Variants in MAP3K9 observed in about 807,000 individuals in gnomAD.
The protein encoded by MAP3K9 is mitogen-activated protein kinase kinase kinase 9.
A neutral mutation model predicts 95.8 loss-of-function variants in MAP3K9; 46 were observed. That is an observed-to-expected ratio of 0.48 (90% confidence interval 0.38 to 0.61). The LOEUF (loss-of-function observed/expected upper bound fraction) is 0.61. MAP3K9 is among the 20% of genes least tolerant of loss of function. The probability of loss-of-function intolerance (pLI) is 0.00; values close to 1 mark genes in which losing one functional copy is unlikely to be tolerated. For missense variants in MAP3K9, 1,296 were observed against 1,474.3 expected (o/e 0.88, Z 1.98); for synonymous variants, 533 against 593.8 (o/e 0.90, Z 1.49).
intron 2 of MAP3K9, among the ~76,000 whole-genome samples, chr14:70,782,681 C>T (rs1019453399): frequency 7.2e-5 from 11 of 152,230 alleles, no homozygotes; most frequent in African/African-American, 2.2e-4. Flanking sequence ...ACTAGCTTTG[C>T]TCTGACTCAC....
At chr14:70,761,821 T>C (rs1408624401) in intron 2 of MAP3K9, among the ~76,000 whole-genome samples, 2 of 152,230 alleles carry the variant, frequency 1.3e-5, no homozygotes, top group African/African-American at 2.4e-5. Context: ...TGATATTGTG[T>C]ACATTCACAA....
At chr14:70,785,463 A>G (rs2054734896) in intron 2 of MAP3K9, among the ~76,000 whole-genome samples, 1 of 152,218 alleles carries the variant, frequency 6.6e-6, no homozygotes, top group African/African-American at 2.4e-5. Context: ...TACTATAAGA[A>G]AAGTTTTATT....
chr14:70,731,473 C>T (rs925967238), intron 11 of MAP3K9, among the ~76,000 whole-genome samples: 1 of 152,204 alleles, frequency 6.6e-6, no homozygotes, highest in Non-Finnish European at 1.5e-5. Flanking sequence ...TATACAATAA[C>T]ATTTTATTGA....
chr14:70,802,563 T>C (rs1381130046), intron 1 of MAP3K9, among the ~76,000 whole-genome samples: 1 of 152,218 alleles, frequency 6.6e-6, no homozygotes, highest in Non-Finnish European at 1.5e-5. Flanking sequence ...TATCTTCTTT[T>C]TTCTTTTGTC....
At position 70,774,319 on chromosome 14, in the gene MAP3K9, T is replaced by C. The variant is rs116769268; in HGVS notation, c.821-13137A>G. ...AGACCTTTGTTATTTATTACAAGGC[T>C]TGTAATATATTTCGGCTTTTTAAAC... On this transcript the variant is annotated intron_variant, in intron 2 of 11. Coordinates refer to ENST00000554752, the MANE Select transcript of MAP3K9 (RefSeq NM_001284230.2). 5.5e-3 allele frequency among the ~76,000 whole-genome samples: 839 copies of C among 152,332 alleles called. 8 individuals are homozygous for C. The highest frequency in any genetic ancestry group is 0.018 in the African/African-American group (767 of 41,582).
At position 70,809,194 on chromosome 14, in the gene MAP3K9, C is replaced by CGGGGCCGCCGCCGCCCGCA. The variant is rs2055038216; in HGVS notation, c.-42_-24dup. On this transcript the variant is annotated 5_prime_UTR_variant, in exon 1 of 12. Transcript: ENST00000554752. The stretch of plus-strand genomic sequence containing the variant: ...CATGGAGCGGCCGATCCATAGGGTG[C>CGGGGCCGCCGCCGCCCGCA]GGGGCCGCCGCCGCCCGCAGGAGCC... The CGGGGCCGCCGCCGCCCGCA allele has an allele frequency of 1.5e-6, 2 of 1,295,632 alleles. No individual in the cohort carries two copies. The highest frequency in any genetic ancestry group is 5.2e-5 in the South Asian group (2 of 38,498). The allele number at this position is 1,295,632 out of a possible 1,614,324, so 80.3% of individuals were successfully genotyped here. A position where few individuals can be genotyped will look rare whatever the true frequency, so the allele number is the denominator to read the frequency against.
chr14:70,798,471 GTTTTTT>G (rs1170327816), intron 2 of MAP3K9, among the ~76,000 whole-genome samples: 16 of 65,436 alleles, frequency 2.4e-4, no homozygotes, highest in African/African-American at 5.6e-4. Flanking sequence ...GTCACCAAAA[GTTTTTT>G]TTTTTTTTTT....
In MAP3K9 at chr14:70,809,489, A is replaced by C. The variant is rs740036; in HGVS notation, c.-318T>G. The C allele has an allele frequency of 0.59, 103,503 of 176,398 alleles. 30,612 individuals are homozygous for C. The highest frequency in any genetic ancestry group is 0.66 in the South Asian group (3,840 of 5,790). 10.9% of individuals were successfully genotyped at this position (176,398 alleles called of 1,614,324 possible). On this transcript the variant is annotated 5_prime_UTR_variant, in exon 1 of 12. Coordinates refer to ENST00000554752, the MANE Select transcript of MAP3K9 (RefSeq NM_001284230.2). ...CGCGCAGCCGGTGCCCGCCGCTGCC[A>C]GCCGGCCGCCGCTCTCCTCTCCGCG...
Position 70,738,273 on chromosome 14 carries a change from G to C in MAP3K9, c.1816C>G (p.Gln606Glu), listed in dbSNP as rs374508438. 5.6e-6 allele frequency: 9 copies of C among 1,612,320 alleles called. No homozygotes were observed. Among genetic ancestry groups the C allele is most frequent in the Non-Finnish European group, 7.6e-6 (9 of 1,179,268 alleles). Residue 606 changes from glutamine to glutamate, a missense_variant, in exon 8 of 12, where the codon CAG becomes GAG. Physicochemically the swap from Gln to Glu is conservative, Grantham distance 29. This residue lies in a region of MAP3K9 where 377 missense variants were observed against 417.1 expected (regional missense o/e 0.90). Transcript: ENST00000554752. The stretch of plus-strand genomic sequence containing the variant: ...TCATCTCCCGAGGCAAGCTCCTTCT[G>C]ACCAAGCGTCCCTGGCCCCCACGTC... ...GRTWGPGTLGQKELASGDEGS... is the reference protein window; with the variant it reads ...GRTWGPGTLGEKELASGDEGS...
intron 2 of MAP3K9, among the ~76,000 whole-genome samples, chr14:70,793,947 C>T (rs778921086): frequency 2.0e-5 from 3 of 152,182 alleles, no homozygotes; most frequent in Non-Finnish European, 4.4e-5. Flanking sequence ...ACCAGGGGTT[C>T]TAGTCTCTTG....
chr14:70,768,790 C>G (rs1440291840), intron 2 of MAP3K9, among the ~76,000 whole-genome samples: 1 of 152,064 alleles, frequency 6.6e-6, no homozygotes, highest in Non-Finnish European at 1.5e-5. Flanking sequence ...GGTTGATGAT[C>G]TATGTCATTT....
intron 2 of MAP3K9, among the ~76,000 whole-genome samples, chr14:70,778,853 G>A (rs1170747889): frequency 6.6e-6 from 1 of 152,208 alleles, no homozygotes; most frequent in East Asian, 1.9e-4. Context: ...CTACTCTCAT[G>A]CTCTTGATGA....
chr14:70,807,307 A>G (rs1053008341), intron 1 of MAP3K9, among the ~76,000 whole-genome samples: 1 of 152,234 alleles, frequency 6.6e-6, no homozygotes, highest in East Asian at 1.9e-4. Flanking sequence ...TTTGGCCAAT[A>G]TGGTGAACCT....
At chr14:70,776,560 A>G (rs2054601723) in intron 2 of MAP3K9, among the ~76,000 whole-genome samples, 1 of 152,192 alleles carries the variant, frequency 6.6e-6, no homozygotes, top group South Asian at 2.1e-4. Flanking sequence ...AAAAACTTAA[A>G]TGTTCACAAG....
chr14:70,768,673 A>G (rs987802649), intron 2 of MAP3K9, among the ~76,000 whole-genome samples: 1 of 152,178 alleles, frequency 6.6e-6, no homozygotes, highest in Non-Finnish European at 1.5e-5. Flanking sequence ...CTTGCCACTA[A>G]GGGATTTGTG....
At chr14:70,775,828 T>C (rs2054590347) in intron 2 of MAP3K9, among the ~76,000 whole-genome samples, 1 of 152,244 alleles carries the variant, frequency 6.6e-6, no homozygotes, top group Admixed American at 6.5e-5. Context: ...CTGAGTCTTA[T>C]TTCATATCCT....
intron 2 of MAP3K9, among the ~76,000 whole-genome samples, chr14:70,783,055 T>G (rs955728619): frequency 2.0e-5 from 3 of 152,180 alleles, no homozygotes; most frequent in Admixed American, 2.0e-4. Context: ...AATATCTTAT[T>G]TTTCCTCAGT....
rs1458765027 is a variant in MAP3K9, at chr14:70,741,682, A to C, written c.1567+669T>G. 2.0e-5 allele frequency among the ~76,000 whole-genome samples: 3 copies of C among 152,218 alleles called. No homozygotes were observed. The East Asian group carries it at 5.8e-4, about 29-fold the overall frequency. On this transcript the variant is annotated intron_variant, in intron 6 of 11. Transcript: ENST00000554752. ...AGTCTCAACTGCACTCAGGGGACTA[A>C]TTAAAAAAACGTCAGCCAGGAGTGG...
intron 1 of MAP3K9, among the ~76,000 whole-genome samples, chr14:70,801,744 A>G (rs1219684363): frequency 6.6e-6 from 1 of 152,220 alleles, no homozygotes; most frequent in Non-Finnish European, 1.5e-5. Flanking sequence ...GAGTGGGGAA[A>G]GGATTCTCAG....
Sources: gnomAD v4.1 joint callset for allele counts (sites outside exome capture counted in the v4.1 genomes callset) on GRCh38, gnomAD v4.1.1 for gene constraint, gnomAD v4.1.1 regional missense constraint, MANE v1.5 for transcripts, NCBI Gene and HGNC (gene_info 2026-07-23, HGNC 2026-07-21) for gene names.